The following TENM2 variants were observed in gnomAD, a reference collection of about 807,000 sequenced individuals.
TENM2 encodes teneurin transmembrane protein 2.
TENM2 carries 52 observed loss-of-function variants against 245.2 expected under a neutral mutation model. The ratio of observed to expected loss-of-function variants is 0.21; its 90% CI spans 0.17 to 0.27. TENM2 has a LOEUF of 0.27. TENM2 is among the 10% of genes least tolerant of loss of function. The pLI is 1.00. For missense variants in TENM2, 3,046 were observed against 3,666.8 expected, an observed-to-expected ratio of 0.83 and a Z score of 4.37; for synonymous variants, 1,363 against 1,438.9, an observed-to-expected ratio of 0.95 and a Z score of 1.19.
chr5:167,715,334 G>A (rs988116938), intron 2 of TENM2, among the ~76,000 whole-genome samples: 3 of 152,122 alleles, frequency 2.0e-5, no homozygotes, highest in Non-Finnish European at 4.4e-5. Flanking sequence ...AAAAAATAGT[G>A]AACACCTGGT....
intron 2 of TENM2, among the ~76,000 whole-genome samples, chr5:167,851,111 T>C (rs1770541158): frequency 6.6e-6 from 1 of 152,102 alleles, no homozygotes; most frequent in Admixed American, 6.5e-5. Context: ...CTTGGAGATT[T>C]TTACTTCCCA....
the TENM2 span, among the ~76,000 whole-genome samples, chr5:167,162,646 A>C: frequency 6.8e-6 from 1 of 146,058 alleles, no homozygotes; most frequent in Non-Finnish European, 1.5e-5. Flanking sequence ...AACAACAAAA[A>C]ACAAAAAAAA....
At position 167,842,225 on chromosome 5, in the gene TENM2, C is replaced by T. The variant is rs115286215; in HGVS notation, c.503-33761C>T. Among the ~76,000 whole-genome samples the T allele has an allele frequency of 2.5e-3, 381 of 152,096 alleles. 1 individual carries two copies. Among genetic ancestry groups the T allele is most frequent in the African/African-American group, 8.9e-3 (370 of 41,484 alleles). On this transcript the variant is annotated intron_variant, in intron 2 of 28. Coordinates refer to ENST00000518659, the Ensembl canonical transcript of TENM2. ...ATAGTGGGATGATATTGTTTGTCTC[C>T]TCAGAGCAGAGCTTTACAAGCTGCC...
intron 2 of TENM2, among the ~76,000 whole-genome samples, chr5:167,375,992 G>T (rs2127314437): frequency 6.6e-6 from 1 of 152,270 alleles, no homozygotes; most frequent in Non-Finnish European, 1.5e-5. Flanking sequence ...GAAGAGACTT[G>T]TCTTCAGAAA....
the TENM2 span, among the ~76,000 whole-genome samples, chr5:166,990,749 A>T: frequency 6.6e-6 from 1 of 152,294 alleles, no homozygotes; most frequent in African/African-American, 2.4e-5. Context: ...TGTCACAAAA[A>T]TTTTTTACTT....
At chr5:168,101,586 G>A (rs186207130) in intron 9 of TENM2, among the ~76,000 whole-genome samples, 2 of 152,170 alleles carry the variant, frequency 1.3e-5, no homozygotes, top group East Asian at 1.9e-4. Flanking sequence ...GTGTGCATTA[G>A]CCATGGTATA....
chr5:168,078,764 G>A (rs1259019419), intron 7 of TENM2, among the ~76,000 whole-genome samples: 1 of 151,920 alleles, frequency 6.6e-6, no homozygotes, highest in Non-Finnish European at 1.5e-5. Context: ...ATTTCTGAGG[G>A]CTCTATTCTG....
chr5:167,916,022 G>C (rs562210794), intron 3 of TENM2, among the ~76,000 whole-genome samples: 1 of 152,232 alleles, frequency 6.6e-6, no homozygotes, highest in East Asian at 1.9e-4. Flanking sequence ...TTTTAAAAAG[G>C]GCCTAATTTA....
chr5:167,241,861 G>A, the TENM2 span, among the ~76,000 whole-genome samples: 13 of 152,188 alleles, frequency 8.5e-5, no homozygotes, highest in African/African-American at 2.9e-4. Context: ...ATAGAGTAAC[G>A]GTTGATGGCT....
rs78176938 is a variant in TENM2 at position 167,799,203 on chromosome 5, G to A, written c.503-76783G>A. 4.6e-3 allele frequency among the ~76,000 whole-genome samples: 694 copies of A among 152,324 alleles called. 3 individuals carry two copies. The highest frequency in any genetic ancestry group is 0.01 in the Middle Eastern group (3 of 294). ...GTATCTCCCAGCAGGGTAAATGGCA[G>A]AGCCTTCCTCTGGGTATGTAAATGC... On this transcript the variant is annotated intron_variant, in intron 2 of 28. Transcript: ENST00000518659.
At chr5:167,855,232 A>G (rs2151236239) in intron 2 of TENM2, among the ~76,000 whole-genome samples, 1 of 152,210 alleles carries the variant, frequency 6.6e-6, no homozygotes, top group East Asian at 1.9e-4. Context: ...AGACATCAGC[A>G]TGGCTCCCTC....
intron 2 of TENM2, among the ~76,000 whole-genome samples, chr5:167,389,772 G>T (rs1445182783): frequency 6.6e-6 from 1 of 152,056 alleles, no homozygotes; most frequent in East Asian, 1.9e-4. Flanking sequence ...AAAATCAACA[G>T]GCACACGGAA....
chr5:167,273,493 G>C, the TENM2 span, among the ~76,000 whole-genome samples: 1 of 152,134 alleles, frequency 6.6e-6, no homozygotes, highest in Non-Finnish European at 1.5e-5. Context: ...TATGCTGACA[G>C]TGCTTACTCA....
intron 2 of TENM2, among the ~76,000 whole-genome samples, chr5:167,822,691 T>TTC (rs900843067): frequency 2.0e-5 from 3 of 151,608 alleles, no homozygotes; most frequent in Non-Finnish European, 2.9e-5. Context: ...GGTCTTTTTT[T>TTC]TCCTCTCTAA....
In TENM2 at chr5:167,450,661, A is replaced by G. The variant is rs1292979068; in HGVS notation, c.502+75188A>G. 2.0e-5 allele frequency among the ~76,000 whole-genome samples: 3 copies of G among 152,116 alleles called. No homozygotes were observed. In the East Asian group the frequency reaches 5.8e-4, roughly 29 times the overall value. ...AAATAATGAATGGAGGGAGGATTAG[A>G]AAAAAAAGCAAGTATAATACTTCTA... On this transcript the variant is annotated intron_variant, in intron 2 of 28. Coordinates refer to ENST00000518659, the Ensembl canonical transcript of TENM2.
intron 2 of TENM2, among the ~76,000 whole-genome samples, chr5:167,677,112 A>C (rs968805032): frequency 2.6e-5 from 4 of 152,238 alleles, no homozygotes; most frequent in African/African-American, 9.6e-5. Context: ...TCTCTTTCTC[A>C]GTTCCTAGTC....
At chr5:167,848,626 T>C (rs1022384811) in intron 2 of TENM2, among the ~76,000 whole-genome samples, 3 of 152,206 alleles carry the variant, frequency 2.0e-5, no homozygotes, top group Non-Finnish European at 4.4e-5. Flanking sequence ...TAATGATTTC[T>C]CGGACAGTCA....
intron 25 of TENM2, among the ~76,000 whole-genome samples, chr5:168,242,435 G>A (rs1400614475): frequency 3.3e-5 from 5 of 152,124 alleles, no homozygotes; most frequent in African/African-American, 9.7e-5. Context: ...CAGTAAAGCT[G>A]GTGAAGTGTA....
chr5:168,190,528 G>A (rs1410960572), exon 14 of TENM2: 2 of 1,613,942 alleles, frequency 1.2e-6, no homozygotes, highest in Admixed American at 1.7e-5. Context: ...CATTCCTGGA[G>A]AGAACCCTTT....
Sources: allele counts gnomAD v4.1 joint callset (sites outside exome capture counted in the v4.1 genomes callset), GRCh38; gene constraint gnomAD v4.1.1; transcripts MANE v1.5; gene names NCBI Gene and HGNC (gene_info 2026-07-23, HGNC 2026-07-21).